Variants in HS2ST1 observed in about 807,000 individuals in gnomAD.
HS2ST1 encodes the protein 2-O-sulfotransferase.
A neutral mutation model predicts 42.9 loss-of-function variants in HS2ST1; 18 were observed. That is an observed-to-expected ratio of 0.42 (90% CI 0.29 to 0.62). The LOEUF (loss-of-function observed/expected upper bound fraction) is 0.62. Ranked by LOEUF, HS2ST1 falls within the 20% of genes least tolerant of loss-of-function variation. The pLI, the probability that HS2ST1 is intolerant of heterozygous loss-of-function variation, is 0.21. For missense variants in HS2ST1, 334 were observed against 433.8 expected (o/e 0.77, Z 2.04); for synonymous variants, 146 against 152.9 (o/e 0.95, Z 0.33).
At chr1:87,013,436 A>G (rs1375414017) in intron 1 of HS2ST1, among the ~76,000 whole-genome samples, 2 of 152,230 alleles carry the variant, frequency 1.3e-5, no homozygotes, top group Non-Finnish European at 2.9e-5. Flanking sequence ...GAAGCAGGGC[A>G]CCAAGTCCTG....
At chr1:86,998,485 GT>G (rs1357188662) in intron 1 of HS2ST1, among the ~76,000 whole-genome samples, 4 of 152,170 alleles carry the variant, frequency 2.6e-5, no homozygotes, top group African/African-American at 9.7e-5. Context: ...ATTGTCTCGA[GT>G]GACATAATGT....
intron 1 of HS2ST1, among the ~76,000 whole-genome samples, chr1:87,056,582 A>T (rs1225801774): frequency 6.6e-6 from 1 of 152,232 alleles, no homozygotes; most frequent in Non-Finnish European, 1.5e-5. Flanking sequence ...AAAATAGTTG[A>T]CAGTATTAGT....
At chr1:86,921,138 T>C (rs1006046930) in intron 1 of HS2ST1, among the ~76,000 whole-genome samples, 2 of 152,162 alleles carry the variant, frequency 1.3e-5, no homozygotes, top group African/African-American at 4.8e-5. Context: ...GTGAAAAATA[T>C]GTATTCTGTT....
intron 1 of HS2ST1, among the ~76,000 whole-genome samples, chr1:86,975,770 T>C (rs983071316): frequency 5.3e-5 from 8 of 152,228 alleles, no homozygotes; most frequent in Admixed American, 4.6e-4. Flanking sequence ...TTTATATGTA[T>C]TTAAAAGCAT....
At chr1:86,986,763 A>G (rs1011966591) in intron 1 of HS2ST1, among the ~76,000 whole-genome samples, 1 of 152,166 alleles carries the variant, frequency 6.6e-6, no homozygotes, top group Non-Finnish European at 1.5e-5. Flanking sequence ...CCCTCTAGAG[A>G]TTCCAGAATG....
At chr1:87,064,404 T>C in intron 1 of HS2ST1, 1 of 498,718 alleles carries the variant, frequency 2.0e-6, no homozygotes, top group Non-Finnish European at 4.0e-6. Flanking sequence ...GTATTTTAGG[T>C]GTACTCAGAA....
intron 1 of HS2ST1, among the ~76,000 whole-genome samples, chr1:87,064,278 G>C (rs1570523405): frequency 6.6e-6 from 1 of 152,232 alleles, no homozygotes; most frequent in Non-Finnish European, 1.5e-5. Context: ...GAATGTATGA[G>C]GCATAAATAA....
At chr1:87,013,585 T>C (rs1455720745) in intron 1 of HS2ST1, among the ~76,000 whole-genome samples, 1 of 152,246 alleles carries the variant, frequency 6.6e-6, no homozygotes, top group African/African-American at 2.4e-5. Flanking sequence ...TCTTGGTGAT[T>C]AACATTTGGC....
chr1:87,010,878 C>CCATCA (rs1649580550), intron 1 of HS2ST1, among the ~76,000 whole-genome samples: 1 of 151,230 alleles, frequency 6.6e-6, no homozygotes, highest in African/African-American at 2.4e-5. Flanking sequence ...TTCCACTTCC[C>CCATCA]GGGTTCAAGC....
At chr1:86,939,180 A>G (rs375699861) in intron 1 of HS2ST1, among the ~76,000 whole-genome samples, 10 of 152,324 alleles carry the variant, frequency 6.6e-5, no homozygotes, top group African/African-American at 2.4e-4. Context: ...CTTTTATTAT[A>G]TTTAAGGACA....
intron 1 of HS2ST1, among the ~76,000 whole-genome samples, chr1:86,943,398 C>G (rs7545731): frequency 0.064 from 9,715 of 152,100 alleles, 819 homozygotes; most frequent in African/African-American, 0.19. Flanking sequence ...AACTTAATCC[C>G]AAAATAAATA....
At chr1:86,991,248 CAG>C (rs2100560358) in intron 1 of HS2ST1, among the ~76,000 whole-genome samples, 1 of 152,202 alleles carries the variant, frequency 6.6e-6, no homozygotes, top group South Asian at 2.1e-4. Flanking sequence ...ACGAATTTAA[CAG>C]AGTTTAATTG....
chr1:86,917,661 A>T (rs1557478693), intron 1 of HS2ST1, among the ~76,000 whole-genome samples: 1 of 152,232 alleles, frequency 6.6e-6, no homozygotes, highest in Non-Finnish European at 1.5e-5. Flanking sequence ...ATGATTCCAA[A>T]TCAAGTGCTC....
intron 1 of HS2ST1, among the ~76,000 whole-genome samples, chr1:87,069,833 G>A (rs756825506): frequency 6.6e-6 from 1 of 152,172 alleles, no homozygotes; most frequent in Non-Finnish European, 1.5e-5. Flanking sequence ...TACATATAAT[G>A]AACCAAGAAT....
At chr1:87,003,936 G>A (rs1649361674) in intron 1 of HS2ST1, among the ~76,000 whole-genome samples, 1 of 152,146 alleles carries the variant, frequency 6.6e-6, no homozygotes, top group African/African-American at 2.4e-5. Flanking sequence ...TGTGGATACT[G>A]AGGGACAGAC....
At chr1:87,018,161 C>CAG (rs1427806898) in intron 1 of HS2ST1, among the ~76,000 whole-genome samples, 2 of 149,298 alleles carry the variant, frequency 1.3e-5, no homozygotes, top group African/African-American at 4.9e-5. Context: ...CACACACACA[C>CAG]ACAGACACAC....
At chr1:87,098,646 T>C (rs974892880) in intron 5 of HS2ST1, among the ~76,000 whole-genome samples, 1 of 152,206 alleles carries the variant, frequency 6.6e-6, no homozygotes, top group African/African-American at 2.4e-5. Context: ...CTCATTAGAT[T>C]ACATCAAAGC....
chr1:87,103,964 A>G (rs1180465372), intron 6 of HS2ST1, among the ~76,000 whole-genome samples: 1 of 152,170 alleles, frequency 6.6e-6, no homozygotes. Flanking sequence ...CCGTATTATC[A>G]TGTGTCTGAA....
In HS2ST1 at chr1:87,104,640, C is replaced by T; in HGVS notation, c.1015C>T (p.Leu339Phe). ...AHAVREKDGDLYILAQNFFYE... is the reference protein window; with the variant it reads ...AHAVREKDGDFYILAQNFFYE... ...TGCCGTTCGAGAAAAAGATGGAGAC[C>T]TCTACATCCTCGCACAAAACTTTTT... Residue 339 changes from leucine to phenylalanine, a missense_variant, in exon 7 of 7, where the codon CTC (leucine) becomes TTC (phenylalanine). Coordinates refer to ENST00000370550, the MANE Select transcript of HS2ST1 (RefSeq NM_012262.4). The T allele has an allele frequency of 6.2e-7, 1 of 1,613,382 alleles. No homozygotes were observed. Among genetic ancestry groups the T allele is most frequent in the South Asian group, 1.1e-5 (1 of 91,064 alleles).
Sources: allele counts gnomAD v4.1 joint callset (sites outside exome capture counted in the v4.1 genomes callset), GRCh38; gene constraint gnomAD v4.1.1; transcripts MANE v1.5; gene names NCBI Gene and HGNC (gene_info 2026-07-23, HGNC 2026-07-21).